The following CLOCK variants were observed in gnomAD, a reference collection of about 807,000 sequenced individuals.
CLOCK encodes the protein circadian locomoter output cycles protein kaput.
A neutral mutation model predicts 118.4 loss-of-function variants in CLOCK; 43 were observed. The ratio of observed to expected loss-of-function variants is 0.36; its 90% CI spans 0.28 to 0.47. The LOEUF is 0.47. Among genes scored for constraint, CLOCK ranks in the 20% least tolerant of loss-of-function variants. The pLI is 1.00. For missense variants in CLOCK, 846 were observed against 999.9 expected (o/e 0.85, Z 2.08); for synonymous variants, 326 against 339.2 (o/e 0.96, Z 0.43).
intron 3 of CLOCK, among the ~76,000 whole-genome samples, chr4:55,484,853 T>C (rs1275013596): frequency 6.6e-6 from 1 of 152,168 alleles, no homozygotes; most frequent in Non-Finnish European, 1.5e-5. Flanking sequence ...GAATCCAATA[T>C]AGTTTAGAAG....
In CLOCK at chr4:55,442,575, C is replaced by A; in HGVS notation, c.1962G>T (p.Gln654His). The change falls in exon 21 of 23, where the codon CAG becomes CAT. Residue 654 changes from glutamine to histidine, a missense_variant. Gln to His is a conservative substitution (Grantham distance 24). This residue lies in a region of CLOCK where 520 missense variants were observed against 558.0 expected (regional missense o/e 0.93). Transcript: ENST00000513440. ...SQQTSLPSQT[Q>H]STLTAPLYNT... ...TATACAGTGGGGCTGTAAGAGTGCT[C>A]TGTGTCTGACTGGGTAGAGATGTTT... 1 of 1,612,224 alleles carries A rather than the reference C, an allele frequency of 6.2e-7. No homozygotes were observed. The highest frequency in any genetic ancestry group is 8.5e-7 in the Non-Finnish European group (1 of 1,179,736).
intron 1 of CLOCK, among the ~76,000 whole-genome samples, chr4:55,517,002 C>T (rs770638088): frequency 5.7e-4 from 86 of 152,132 alleles, no homozygotes; most frequent in Non-Finnish European, 1.0e-3. Context: ...TCATTCCTGT[C>T]ATTCATTTCA....
intron 1 of CLOCK, among the ~76,000 whole-genome samples, chr4:55,515,236 T>A (rs1211832652): frequency 6.6e-6 from 1 of 152,240 alleles, no homozygotes; most frequent in Non-Finnish European, 1.5e-5. Flanking sequence ...TCTACTTTCA[T>A]GTCTTCTATT....
Position 55,438,523 on chromosome 4 carries a change from T to G in CLOCK, c.2120A>C (p.Gln707Pro), listed in dbSNP as rs1173609671. 2 of 1,613,576 alleles carry G rather than the reference T, an allele frequency of 1.2e-6. No individual in the cohort carries two copies. Among genetic ancestry groups the G allele is most frequent in the Non-Finnish European group, 1.7e-6 (2 of 1,179,992 alleles). ...QDRQIRFSQGQQLVTKLVTAP... is the reference protein window; with the variant it reads ...QDRQIRFSQGPQLVTKLVTAP... ...AGTCACTAATTTGGTCACAAGTTGT[T>G]GACCTTGAGAAAATCTGTTAGAAGA... Residue 707 changes from glutamine to proline, a missense_variant, in exon 22 of 23, where the codon CAA becomes CCA. Physicochemically the swap from Gln to Pro is moderately conservative, Grantham distance 76. Coordinates refer to ENST00000513440, the MANE Select transcript of CLOCK (RefSeq NM_004898.4).
chr4:55,491,453 G>A (rs557778694), intron 2 of CLOCK, among the ~76,000 whole-genome samples: 1 of 151,076 alleles, frequency 6.6e-6, no homozygotes, highest in East Asian at 1.9e-4. Flanking sequence ...AGCTACACTA[G>A]GAATAAGAGA....
chr4:55,442,493 T>A lies in CLOCK; in HGVS notation c.2044A>T (p.Met682Leu), dbSNP rs150358770. ...GCACTCTGGGTGCTGTTTTGTGGCA[T>A]ACTAGATGGAATCTGGACCATGCTT... Reference protein sequence around the residue: ...AGSMVQIPSSMPQNSTQSAAV... With the variant: ...AGSMVQIPSSLPQNSTQSAAV... Residue 682 changes from methionine (M) to leucine (L), a missense_variant, in exon 21 of 23, where the codon ATG becomes TTG. Physicochemically the swap from Met to Leu is conservative, Grantham distance 15 (BLOSUM62 2). Transcript: ENST00000513440. 44 of 1,608,340 alleles carry A rather than the reference T, an allele frequency of 2.7e-5. No individual in the cohort carries two copies. The highest frequency in any genetic ancestry group is 3.6e-5 in the Non-Finnish European group (43 of 1,179,054).
At chr4:55,478,740 A>T (rs1726712081) in intron 6 of CLOCK, 75 bp downstream of exon 6, 1 of 1,443,258 alleles carries the variant, frequency 6.9e-7, no homozygotes, top group Non-Finnish European at 9.7e-7. Context: ...GGAAGCATCC[A>T]ATCTTAAGCA....
At chr4:55,503,978 TAAAAAAAAAAA>T (rs60471915) in intron 2 of CLOCK, among the ~76,000 whole-genome samples, 2 of 71,130 alleles carry the variant, frequency 2.8e-5, no homozygotes, top group Admixed American at 2.3e-4. Flanking sequence ...CAAAAAGAGG[TAAAAAAAAAAA>T]AAAAAAAAAA....
intron 7 of CLOCK, among the ~76,000 whole-genome samples, chr4:55,472,188 G>T (rs115635176): frequency 9.3e-4 from 141 of 152,236 alleles, no homozygotes; most frequent in African/African-American, 3.3e-3. Flanking sequence ...GGAATGGTTT[G>T]GTATAAAATG....
intron 4 of CLOCK, among the ~76,000 whole-genome samples, chr4:55,481,916 C>T (rs545861265): frequency 6.6e-6 from 1 of 152,192 alleles, no homozygotes; most frequent in Admixed American, 6.5e-5. Context: ...GTATTCTGTA[C>T]ATTTGCTGTC....
chr4:55,493,882 A>G (rs141018671), intron 2 of CLOCK, among the ~76,000 whole-genome samples: 76 of 152,336 alleles, frequency 5.0e-4, no homozygotes, highest in African/African-American at 1.7e-3. Flanking sequence ...AACTGACACT[A>G]TAACTCTAGC....
At chr4:55,454,799 T>C (rs1724794817) in intron 13 of CLOCK, among the ~76,000 whole-genome samples, 1 of 152,020 alleles carries the variant, frequency 6.6e-6, no homozygotes, top group Admixed American at 6.6e-5. Context: ...GGACCAACAT[T>C]CGGTGGAACA....
intron 2 of CLOCK, among the ~76,000 whole-genome samples, chr4:55,506,583 A>T (rs545447216): frequency 1.1e-3 from 161 of 151,128 alleles, no homozygotes; most frequent in African/African-American, 3.7e-3. Context: ...ATTTTTTTTA[A>T]TTTTTTTTGA....
At chr4:55,441,712 TA>T (rs201987370) in intron 21 of CLOCK, among the ~76,000 whole-genome samples, 2,063 of 152,198 alleles carry the variant, frequency 0.014, 45 homozygotes, top group African/African-American at 0.048. Flanking sequence ...AGTGATATAA[TA>T]GACTTTGGAG....
chr4:55,519,416 T>C (rs1371165373), intron 1 of CLOCK, among the ~76,000 whole-genome samples: 1 of 152,118 alleles, frequency 6.6e-6, no homozygotes, highest in Non-Finnish European at 1.5e-5. Flanking sequence ...GTAATTCTCT[T>C]CTTGGGATGT....
intron 1 of CLOCK, among the ~76,000 whole-genome samples, chr4:55,513,324 G>A (rs1729284128): frequency 1.3e-5 from 2 of 152,078 alleles, no homozygotes; most frequent in Admixed American, 1.3e-4. Context: ...ATACAGCCTA[G>A]GTGCAGAGCA....
intron 8 of CLOCK, among the ~76,000 whole-genome samples, chr4:55,469,286 G>T (rs1725955902): frequency 1.3e-5 from 2 of 151,990 alleles, no homozygotes; most frequent in African/African-American, 4.8e-5. Context: ...GTAGACACAG[G>T]GTCTCTCCAT....
intron 1 of CLOCK, among the ~76,000 whole-genome samples, chr4:55,514,874 T>C (rs577452750): frequency 6.6e-6 from 1 of 152,284 alleles, no homozygotes; most frequent in South Asian, 2.1e-4. Flanking sequence ...GGTTTTAGGA[T>C]TAGAGTAATA....
chr4:55,449,711 C>T (rs1577698461), intron 16 of CLOCK, among the ~76,000 whole-genome samples: 4 of 151,908 alleles, frequency 2.6e-5, no homozygotes, highest in Admixed American at 2.6e-4. Flanking sequence ...ATTTTAAATA[C>T]AAAAAGTCAC....
Sources: allele counts gnomAD v4.1 joint callset (sites outside exome capture counted in the v4.1 genomes callset), GRCh38; gene constraint gnomAD v4.1.1; regional missense constraint gnomAD v4.1.1; transcripts MANE v1.5; gene names NCBI Gene and HGNC (gene_info 2026-07-23, HGNC 2026-07-21).